EVC2: variants seen among roughly 807,000 people sequenced by gnomAD.
The protein encoded by EVC2 is limbin.
EVC2 carries 148 observed loss-of-function variants against 149.3 expected under a neutral mutation model. That is an observed-to-expected ratio of 0.99 (90% confidence interval 0.87 to 1.14). EVC2 has a LOEUF of 1.14. EVC2 is among the 50% of genes most tolerant of loss of function. EVC2 has a pLI of 0.00. For synonymous variants in EVC2, 776 were observed against 649.9 expected, an observed-to-expected ratio of 1.19 and a Z score of -2.95; for missense variants, 1,854 against 1,627.3, an observed-to-expected ratio of 1.14 and a Z score of -2.40.
intron 18 of EVC2, among the ~76,000 whole-genome samples, chr4:5,575,618 G>C (rs576573082): frequency 6.6e-6 from 1 of 152,326 alleles, no homozygotes; most frequent in East Asian, 1.9e-4. Flanking sequence ...GCTGTGTATA[G>C]ACTTTGCCTC....
intron 16 of EVC2, among the ~76,000 whole-genome samples, chr4:5,605,005 A>G (rs1207743717): frequency 2.0e-5 from 3 of 151,594 alleles, no homozygotes; most frequent in Admixed American, 1.3e-4. Context: ...GAAGACCTTT[A>G]TGATGATCCA....
chr4:5,541,129 C>T (rs191052405), downstream of EVC2, among the ~76,000 whole-genome samples: 2 of 152,296 alleles, frequency 1.3e-5, no homozygotes, highest in East Asian at 3.9e-4. Flanking sequence ...TGTAAGAATA[C>T]GACTTTTTAA....
Position 5,622,520 on chromosome 4 carries a change from C to T in EVC2, c.2501+17G>A, listed in dbSNP as rs755613338. ...ACGGGATGGGGAGGGGTGATTACGA[C>T]CCGCAAAGGCACTCACATGAAGATC... On this transcript the variant is annotated intron_variant, in intron 14 of 21. Transcript: ENST00000344408. The surrounding 1 kb of genome is among the most constrained non-coding windows in gnomAD (Gnocchi z 5.8). 1.9e-6 allele frequency: 3 copies of T among 1,611,774 alleles called. No individual in the cohort carries two copies. In the African/African-American group the frequency reaches 4.0e-5, roughly 22 times the overall value.
Position 5,562,582 on chromosome 4 carries a change from T to G in EVC2, c.*266A>C. 4 of 1,336,016 alleles carry G rather than the reference T, an allele frequency of 3.0e-6. No homozygotes were observed. The highest frequency in any genetic ancestry group is 3.2e-5 in the Admixed American group (1 of 31,290). 82.8% of individuals were successfully genotyped at this position (1,336,016 alleles called of 1,614,324 possible). ...AGAGGATGGGGTGTGGATTGCAGGG[T>G]GGGGGTCTCCTCCAGGGCCCTGGGG... On this transcript the variant is annotated 3_prime_UTR_variant, in exon 22 of 22. Transcript: ENST00000344408. This position sits in a 1 kb window ranked among gnomAD's most constrained non-coding sequence, Gnocchi z 4.3.
chr4:5,532,314 C>T, the EVC2 span, among the ~76,000 whole-genome samples: 360 of 152,164 alleles, frequency 2.4e-3, no homozygotes, highest in Non-Finnish European at 4.2e-3. Context: ...CGAGGCCCAC[C>T]CACATTATGG....
chr4:5,544,353 G>T (rs1325702951), intron 21 of EVC2, among the ~76,000 whole-genome samples: 1 of 152,058 alleles, frequency 6.6e-6, no homozygotes, highest in East Asian at 1.9e-4. Flanking sequence ...TGCTTTCACA[G>T]AGCCCTCTGA....
intron 2 of EVC2, 112 bp from the exon 3 acceptor site, chr4:5,694,613 G>A: frequency 1.6e-6 from 2 of 1,212,860 alleles, no homozygotes; most frequent in Non-Finnish European, 2.4e-6. Context: ...GAAGACGTTT[G>A]TTGGGTAAGT....
At chr4:5,654,368 G>A (rs1343232184) in intron 9 of EVC2, among the ~76,000 whole-genome samples, 1 of 152,196 alleles carries the variant, frequency 6.6e-6, no homozygotes, top group African/African-American at 2.4e-5. Flanking sequence ...TTTAGAGAAG[G>A]AGGTCACACA....
intron 13 of EVC2, among the ~76,000 whole-genome samples, chr4:5,623,960 T>C (rs1400970879): frequency 6.6e-6 from 1 of 152,240 alleles, no homozygotes; most frequent in Non-Finnish European, 1.5e-5. Context: ...TCTGTTAGTG[T>C]TATTACTATG....
chr4:5,550,212 T>C (rs1424440479), intron 21 of EVC2, among the ~76,000 whole-genome samples: 1 of 152,168 alleles, frequency 6.6e-6, no homozygotes, highest in Non-Finnish European at 1.5e-5. Context: ...TCAGACATGT[T>C]GGAACAGTTT....
At chr4:5,561,991 G>A (rs1169941545), downstream of EVC2, among the ~76,000 whole-genome samples, 1 of 152,156 alleles carries the variant, frequency 6.6e-6, no homozygotes, top group Non-Finnish European at 1.5e-5. Context: ...CCCAGCCCCA[G>A]TGAGATATTA....
chr4:5,563,351 T>C (rs1722072694), intron 21 of EVC2, among the ~76,000 whole-genome samples: 1 of 152,130 alleles, frequency 6.6e-6, no homozygotes, highest in Admixed American at 6.5e-5. Flanking sequence ...TTTCAGGAGT[T>C]TTTTGTTTTG....
At position 5,665,654 on chromosome 4, in the gene EVC2, G is replaced by A. The variant is rs745871266; in HGVS notation, c.871-5C>T. On this transcript the variant is annotated splice_polypyrimidine_tract_variant and splice_region_variant and intron_variant, in intron 7 of 21. Transcript: ENST00000344408. ...GAGGCCGTGGTGCGGCAGAACCTGT[G>A]GAGACAAGAGGAGAGCAGGATTCAT... 14 of 1,614,010 alleles carry A rather than the reference G, an allele frequency of 8.7e-6. No homozygotes were observed. Among genetic ancestry groups the A allele is most frequent in the South Asian group, 1.1e-5 (1 of 90,996 alleles).
intron 17 of EVC2, among the ~76,000 whole-genome samples, chr4:5,581,959 G>C (rs114410541): frequency 0.025 from 3,823 of 152,340 alleles, 63 homozygotes; most frequent in Non-Finnish European, 0.037. Flanking sequence ...AAGCCTGCAG[G>C]TGCACAGAAT....
intron 21 of EVC2, among the ~76,000 whole-genome samples, chr4:5,552,471 G>C (rs1454824663): frequency 6.6e-6 from 1 of 152,194 alleles, no homozygotes; most frequent in Non-Finnish European, 1.5e-5. Flanking sequence ...ATTTATGGAT[G>C]AAATTATAAG....
chr4:5,663,666 A>C (rs946328170), intron 8 of EVC2, among the ~76,000 whole-genome samples: 1 of 152,168 alleles, frequency 6.6e-6, no homozygotes, highest in Non-Finnish European at 1.5e-5. Context: ...CACGCCTGTA[A>C]TCCCAGCACT....
intron 6 of EVC2, among the ~76,000 whole-genome samples, chr4:5,682,987 C>T (rs1284250767): frequency 6.6e-6 from 1 of 152,198 alleles, no homozygotes; most frequent in Non-Finnish European, 1.5e-5. Flanking sequence ...ATGCTCCTCC[C>T]AAGGTAGCAA....
intron 17 of EVC2, among the ~76,000 whole-genome samples, chr4:5,583,225 T>C (rs543480230): frequency 2.6e-3 from 392 of 152,346 alleles, no homozygotes; most frequent in African/African-American, 8.8e-3. Context: ...GTCCATAATG[T>C]ATTAATTTTT....
intron 17 of EVC2, among the ~76,000 whole-genome samples, chr4:5,584,177 GT>G (rs1381853039): frequency 1.2e-4 from 19 of 152,080 alleles, no homozygotes; most frequent in Non-Finnish European, 2.5e-4. Flanking sequence ...CACCAAAACA[GT>G]TATTACCATA....
Sources: allele counts gnomAD v4.1 joint callset (sites outside exome capture counted in the v4.1 genomes callset), GRCh38; gene constraint gnomAD v4.1.1; non-coding constraint Gnocchi (gnomAD v3.1); transcripts MANE v1.5; gene names NCBI Gene and HGNC (gene_info 2026-07-23, HGNC 2026-07-21).